Variants in TRIP6 observed in about 807,000 individuals in gnomAD.
The protein encoded by TRIP6 is thyroid receptor-interacting protein 6.
TRIP6 carries 33 observed loss-of-function variants against 51.9 expected under a neutral mutation model. The observed-to-expected ratio is 0.64, with a 90% CI of 0.48 to 0.85. The LOEUF (loss-of-function observed/expected upper bound fraction) is 0.85. Among genes scored for constraint, TRIP6 ranks in the 40% least tolerant of loss-of-function variants. The pLI is 0.00. For missense variants in TRIP6, 661 were observed against 652.1 expected, an observed-to-expected ratio of 1.01 and a Z score of -0.15; for synonymous variants, 255 against 275.8, an observed-to-expected ratio of 0.92 and a Z score of 0.75.
Position 100,873,243 on chromosome 7 carries a change from CAAG to C in TRIP6, c.1372_1374del (p.Lys458del). The C allele has an allele frequency of 6.2e-7, 1 of 1,613,766 alleles. No homozygotes were observed. Among genetic ancestry groups the C allele is most frequent in the Admixed American group, 1.7e-5 (1 of 60,022 alleles). On this transcript the variant is annotated inframe_deletion, in exon 9 of 9. Coordinates refer to ENST00000200457, the MANE Select transcript of TRIP6 (RefSeq NM_003302.3). ...ACCCGCTGGATGGGCACATCTTGTGCAAGGCCTGCAGCGCCTGGCGCATCCAGG... is the reference window on the plus strand; with the variant it reads ...ACCCGCTGGATGGGCACATCTTGTGCGCCTGCAGCGCCTGGCGCATCCAGG...
chr7:100,873,290 C>G lies in TRIP6; in HGVS notation c.1418C>G (p.Thr473Ser), dbSNP rs766882926. Residue 473 changes from threonine (T) to serine (S), a missense_variant, in exon 9 of 9, where the codon ACC becomes AGC. Physicochemically the swap from Thr to Ser is moderately conservative, Grantham distance 58. Coordinates refer to ENST00000200457, the MANE Select transcript of TRIP6 (RefSeq NM_003302.3). The part of the protein sequence containing the change: ...WRIQELSATV[T>S]TDC ...ATCCAGGAGCTCTCAGCCACCGTCACCACTGACTGCTGAGTCTTCCTAGAA... is the reference window on the plus strand; with the variant it reads ...ATCCAGGAGCTCTCAGCCACCGTCAGCACTGACTGCTGAGTCTTCCTAGAA... The G allele has an allele frequency of 1.2e-6, 2 of 1,609,290 alleles. No homozygotes were observed. The highest frequency in any genetic ancestry group is 3.3e-4 in the Middle Eastern group (2 of 6,042).
rs751764605 is a variant in TRIP6 at position 100,871,666 on chromosome 7, A to C, written c.1123A>C (p.Ile375Leu). The change falls in exon 7 of 9, where the codon ATC (isoleucine) becomes CTC (leucine). Residue 375 changes from isoleucine (I) to leucine (L), a missense_variant. Physicochemically the swap from Ile to Leu is conservative, Grantham distance 5. Transcript: ENST00000200457. ...CVVCHRGLDGIPFTVDATSQI... is the reference protein window; with the variant it reads ...CVVCHRGLDGLPFTVDATSQI... ...GGTGTGTCACCGCGGCCTCGACGGC[A>C]TCCCCTTCACAGTGGATGCTACGAG... The C allele has an allele frequency of 8.1e-6, 13 of 1,613,948 alleles. No homozygotes were observed. The Admixed American group carries it at 8.3e-5, about 10-fold the overall frequency.
rs1399142220 is a variant in TRIP6, at chr7:100,872,662, T to C, written c.1217T>C (p.Ile406Thr). The change falls in exon 8 of 9, where the codon ATA becomes ACA. Residue 406 changes from isoleucine (I) to threonine (T), a missense_variant. Ile to Thr is a moderately conservative substitution (Grantham distance 89). Coordinates refer to ENST00000200457, the MANE Select transcript of TRIP6 (RefSeq NM_003302.3). ...AGATGCTCAGTGTGCGGTGGGGCCA[T>C]AATGCCTGAGCCAGGTCAGGAGGAG... Reference protein sequence around the residue: ...APRCSVCGGAIMPEPGQEETV... With the variant: ...APRCSVCGGATMPEPGQEETV... 11 of 1,614,048 alleles carry C rather than the reference T, an allele frequency of 6.8e-6. No individual in the cohort carries two copies. The highest frequency in any genetic ancestry group is 4.5e-5 in the East Asian group (2 of 44,866).
At chr7:100,872,487 A>G in intron 7 of TRIP6, 137 bp from the exon 8 acceptor site, 1 of 1,353,124 alleles carries the variant, frequency 7.4e-7, no homozygotes, top group Non-Finnish European at 1.0e-6. Context: ...TCTCTTTGAC[A>G]TCGTCCCTTC....
At position 100,870,659 on chromosome 7, in the gene TRIP6, T is replaced by C. The variant is rs1034242833; in HGVS notation, c.915T>C (p.Phe305=). Residue 305 remains phenylalanine, a synonymous_variant, in exon 6 of 9, where the codon TTT becomes TTC. Coordinates refer to ENST00000200457, the MANE Select transcript of TRIP6 (RefSeq NM_003302.3). Reference sequence around the variant, plus strand: ...ATCGCGTCTTTCACGTGGGCTGCTTTGTATGTTCTACATGCCGGGCCCAGC... The same window carrying C: ...ATCGCGTCTTTCACGTGGGCTGCTTCGTATGTTCTACATGCCGGGCCCAGC... ...ALDRVFHVGC[F]VCSTCRAQLR... 1 of 1,613,972 alleles carries C rather than the reference T, an allele frequency of 6.2e-7. No homozygotes were observed. Among genetic ancestry groups the C allele is most frequent in the Non-Finnish European group, 8.5e-7 (1 of 1,179,970 alleles).
intron 7 of TRIP6, among the ~76,000 whole-genome samples, chr7:100,871,991 C>T (rs1046408435): frequency 1.3e-5 from 2 of 151,618 alleles, no homozygotes; most frequent in African/African-American, 4.8e-5. Context: ...GCACACGCCA[C>T]CATGCCTGGC....
Position 100,870,757 on chromosome 7 carries a change from G to A in TRIP6, c.999+14G>A, listed in dbSNP as rs759384513. On this transcript the variant is annotated intron_variant, in intron 6 of 8. Coordinates refer to ENST00000200457, the MANE Select transcript of TRIP6 (RefSeq NM_003302.3). ...GGCTGCTACGTGGTGAGTGGCTGGG[G>A]CTGGGAGGAGGGAGTCAGTGGCTGG... is the stretch of plus-strand genomic sequence containing the variant. 1.9e-6 allele frequency: 3 copies of A among 1,604,500 alleles called. No individual in the cohort carries two copies. The highest frequency in any genetic ancestry group is 2.2e-5 in the East Asian group (1 of 44,672).
At chr7:100,870,232 A>G in intron 4 of TRIP6, 138 bp from the exon 5 acceptor site, 1 of 798,504 alleles carries the variant, frequency 1.3e-6, no homozygotes, top group African/African-American at 1.7e-5. Context: ...CTGTAAATAC[A>G]GATGAAGCTT....
rs192236476 is a variant in TRIP6 at position 100,869,863 on chromosome 7, A to G, written c.736-507A>G. Reference sequence around the variant, plus strand: ...TTTCAGGATGATTCAAGCACATTACATTCATTGTGCACTTTATTTCTGTTA... The same window carrying G: ...TTTCAGGATGATTCAAGCACATTACGTTCATTGTGCACTTTATTTCTGTTA... On this transcript the variant is annotated intron_variant, in intron 4 of 8. Transcript: ENST00000200457. 1.1e-3 allele frequency among the ~76,000 whole-genome samples: 167 copies of G among 151,336 alleles called. 1 individual carries two copies. In the East Asian group the frequency reaches 0.026, roughly 23 times the overall value.
intron 4 of TRIP6, 123 bp from the exon 5 acceptor site, chr7:100,870,247 T>G: frequency 2.2e-6 from 2 of 908,052 alleles, no homozygotes. Context: ...AAGCTTTGCT[T>G]GCCCATTGCT....
chr7:100,869,060 G>GCCTCA (rs1313111542), intron 4 of TRIP6, among the ~76,000 whole-genome samples, 194 bp downstream of exon 4: 6 of 152,076 alleles, frequency 3.9e-5, no homozygotes, highest in Non-Finnish European at 7.4e-5. Flanking sequence ...TGATTCTCCT[G>GCCTCA]CCTCAGCCTC....
intron 2 of TRIP6, 40 bp downstream of exon 2, chr7:100,868,028 C>T: frequency 6.5e-7 from 1 of 1,535,488 alleles, no homozygotes; most frequent in African/African-American, 1.4e-5. Flanking sequence ...GTGGGATCCC[C>T]CAGAACCGAG....
At chr7:100,869,808 G>C in intron 4 of TRIP6, among the ~76,000 whole-genome samples, 1 of 148,082 alleles carries the variant, frequency 6.8e-6, no homozygotes, top group Non-Finnish European at 1.5e-5. Flanking sequence ...GGACTGGGGA[G>C]GGGGATGGGA....
rs1401592259 is a variant in TRIP6 at position 100,867,411 on chromosome 7, C to T, written c.-87C>T. ...CAGAAAAAGTTTTCTTTTCTGGAGT[C>T]CCAAACGAGGTGCGGGACGGAAGAG... On this transcript the variant is annotated 5_prime_UTR_variant, in exon 1 of 9. Coordinates refer to ENST00000200457, the MANE Select transcript of TRIP6 (RefSeq NM_003302.3). The surrounding 1 kb of genome is among the most constrained non-coding windows in gnomAD (Gnocchi z 5.4). 3 of 1,032,010 alleles carry T rather than the reference C, an allele frequency of 2.9e-6. No homozygotes were observed. The highest frequency in any genetic ancestry group is 4.0e-6 in the Non-Finnish European group (3 of 751,236). The allele number at this position is 1,032,010 out of a possible 1,614,324, so 63.9% of individuals were successfully genotyped here.
intron 4 of TRIP6, among the ~76,000 whole-genome samples, chr7:100,869,943 A>T (rs1229845881): frequency 6.6e-6 from 1 of 152,022 alleles, no homozygotes; most frequent in East Asian, 1.9e-4. Flanking sequence ...ATTACAATGT[A>T]TATTACAATG....
intron 8 of TRIP6, among the ~76,000 whole-genome samples, 184 bp from the exon 9 acceptor site, chr7:100,872,988 T>C (rs1332588690): frequency 1.3e-5 from 2 of 152,010 alleles, no homozygotes; most frequent in Non-Finnish European, 2.9e-5. Flanking sequence ...GTAGCTGGGA[T>C]TACAGGTGCT....
chr7:100,870,947 A>G (rs945265977), intron 6 of TRIP6: 13 of 720,904 alleles, frequency 1.8e-5, no homozygotes, highest in African/African-American at 1.7e-4. Flanking sequence ...CGCAGCTCTT[A>G]CAAGTGTGGA....
At position 100,872,726 on chromosome 7, in the gene TRIP6, T is replaced by C; in HGVS notation, c.1281T>C (p.Ile427=). 1 of 1,614,106 alleles carries C rather than the reference T, an allele frequency of 6.2e-7. No individual in the cohort carries two copies. The highest frequency in any genetic ancestry group is 8.5e-7 in the Non-Finnish European group (1 of 1,179,986). Residue 427 remains isoleucine, a synonymous_variant, in exon 8 of 9, where the codon ATT becomes ATC. Transcript: ENST00000200457. ...RIVALDRSFH[I]GCYKCEECGL... is the part of the protein sequence containing the mutation. The stretch of plus-strand genomic sequence containing the variant: ...TTGCTCTGGATCGAAGTTTTCACAT[T>C]GGCTGTTACAAGTGCGAGGTCAGGG...
At chr7:100,870,303 G>A (rs1490625130) in intron 4 of TRIP6, 67 bp from the exon 5 acceptor site, 5 of 1,522,906 alleles carry the variant, frequency 3.3e-6, no homozygotes, top group African/African-American at 1.4e-5. Flanking sequence ...ATGGCCTGGC[G>A]GCTGAGGGCC....
Sources: allele counts gnomAD v4.1 joint callset (sites outside exome capture counted in the v4.1 genomes callset), GRCh38; gene constraint gnomAD v4.1.1; non-coding constraint Gnocchi (gnomAD v3.1); transcripts MANE v1.5; gene names NCBI Gene and HGNC (gene_info 2026-07-23, HGNC 2026-07-21).